SPAG16: variants seen among roughly 807,000 people sequenced by gnomAD.
SPAG16 encodes the protein sperm associated antigen 16.
In SPAG16, 86 loss-of-function variants were observed where a neutral mutation model predicts 80.4. The ratio of observed to expected loss-of-function variants is 1.07; its 90% CI spans 0.90 to 1.28. The LOEUF (loss-of-function observed/expected upper bound fraction) is 1.28. Ranked by LOEUF, SPAG16 falls within the 50% of genes most tolerant of loss-of-function variation. SPAG16 has a pLI of 0.00. For synonymous variants in SPAG16, 294 were observed against 265.9 expected (o/e 1.11, Z -1.03); for missense variants, 870 against 765.3 (o/e 1.14, Z -1.61).
intron 10 of SPAG16, among the ~76,000 whole-genome samples, chr2:213,579,884 TA>T (rs943018489): frequency 6.6e-6 from 1 of 152,096 alleles, no homozygotes; most frequent in Non-Finnish European, 1.5e-5. Context: ...CATATCAAAA[TA>T]AAAAGCACAG....
intron 13 of SPAG16, among the ~76,000 whole-genome samples, chr2:214,071,196 G>C (rs1228515467): frequency 6.6e-6 from 1 of 152,070 alleles, no homozygotes; most frequent in East Asian, 1.9e-4. Context: ...GAGTATCTCA[G>C]GAATATAGTT....
chr2:213,394,217 C>A (rs917074664), intron 9 of SPAG16, among the ~76,000 whole-genome samples: 7 of 151,940 alleles, frequency 4.6e-5, no homozygotes, highest in Non-Finnish European at 8.8e-5. Context: ...CCTTTACCAA[C>A]CAATTCAGAC....
rs35564156 is a variant in SPAG16 at position 214,037,864 on chromosome 2, GGTGTGTGTGTGTGTGTGT to G, written c.1527+23820_1527+23837del. ...GCTCTGTTATTATTCCCAGAAGCCT[GGTGTGTGTGTGTGTGTGT>G]GTGTGTGTGTGTGTGTGTGTGTGTG... On this transcript the variant is annotated intron_variant, in intron 13 of 15. Transcript: ENST00000331683. 5.0e-3 allele frequency among the ~76,000 whole-genome samples: 674 copies of G among 133,702 alleles called. 11 individuals carry two copies. The highest frequency in any genetic ancestry group is 0.019 in the African/African-American group (643 of 33,906). The allele number at this position is 133,702 out of a possible 152,430, so 87.7% of individuals were successfully genotyped here.
intron 15 of SPAG16, among the ~76,000 whole-genome samples, chr2:214,292,043 G>GT (rs755224047): frequency 4.0e-4 from 61 of 151,378 alleles, no homozygotes; most frequent in East Asian, 3.5e-3. Flanking sequence ...TGGGAAGTTT[G>GT]TTTTTTTTTA....
At chr2:214,366,529 A>G (rs1376085494) in intron 15 of SPAG16, among the ~76,000 whole-genome samples, 1 of 152,204 alleles carries the variant, frequency 6.6e-6, no homozygotes, top group Non-Finnish European at 1.5e-5. Context: ...TCATTTATGG[A>G]TTATATCCAT....
intron 14 of SPAG16, among the ~76,000 whole-genome samples, chr2:214,133,854 G>C (rs929994681): frequency 1.3e-5 from 2 of 152,066 alleles, no homozygotes; most frequent in Non-Finnish European, 2.9e-5. Flanking sequence ...TGATTGCCTG[G>C]AGTTTGGATC....
At chr2:214,015,936 A>G (rs984074909) in intron 13 of SPAG16, among the ~76,000 whole-genome samples, 1 of 152,200 alleles carries the variant, frequency 6.6e-6, no homozygotes, top group African/African-American at 2.4e-5. Flanking sequence ...AGCGTAGATG[A>G]AAAGGAGAGA....
intron 13 of SPAG16, among the ~76,000 whole-genome samples, chr2:214,047,798 G>A (rs193195136): frequency 1.5e-4 from 23 of 152,152 alleles, no homozygotes; most frequent in Non-Finnish European, 2.9e-4. Context: ...CATCTGATAA[G>A]GTATTAGTAA....
intron 3 of SPAG16, among the ~76,000 whole-genome samples, 160 bp downstream of exon 3, chr2:213,297,517 C>T (rs1324058735): frequency 2.0e-5 from 3 of 152,152 alleles, no homozygotes; most frequent in Non-Finnish European, 4.4e-5. Flanking sequence ...TTAAGGTAAG[C>T]AGTCATATTT....
intron 10 of SPAG16, among the ~76,000 whole-genome samples, chr2:213,747,561 C>A (rs1440174314): frequency 6.6e-6 from 1 of 152,130 alleles, no homozygotes; most frequent in Non-Finnish European, 1.5e-5. Context: ...ATTTTTTGCA[C>A]AAATTTTCTG....
intron 15 of SPAG16, among the ~76,000 whole-genome samples, chr2:214,279,697 G>C (rs1692760156): frequency 6.6e-6 from 1 of 152,136 alleles, no homozygotes; most frequent in Non-Finnish European, 1.5e-5. Flanking sequence ...GACATTTGTA[G>C]TACCATCCAT....
Position 214,150,259 on chromosome 2 carries a change from T to G in SPAG16, c.1720+993T>G, listed in dbSNP as rs2055911863. On this transcript the variant is annotated intron_variant, in intron 15 of 15. Coordinates refer to ENST00000331683, the MANE Select transcript of SPAG16 (RefSeq NM_024532.5). ...TTTCTTGGGACTGGTTTCATAATATTGCCATCACATATCTGAAATTTAGAA... is the reference window on the plus strand; with the variant it reads ...TTTCTTGGGACTGGTTTCATAATATGGCCATCACATATCTGAAATTTAGAA... Among the ~76,000 whole-genome samples the G allele has an allele frequency of 2.0e-5, 3 of 152,114 alleles. No individual in the cohort carries two copies. The South Asian group carries it at 6.2e-4, about 31-fold the overall frequency.
chr2:214,283,311 T>C (rs1000808468), intron 15 of SPAG16, among the ~76,000 whole-genome samples: 2 of 152,108 alleles, frequency 1.3e-5, no homozygotes, highest in African/African-American at 4.8e-5. Flanking sequence ...ATTTATAGTT[T>C]AGTCATGACA....
chr2:213,641,116 C>T (rs996728968), intron 10 of SPAG16, among the ~76,000 whole-genome samples: 15 of 152,104 alleles, frequency 9.9e-5, no homozygotes, highest in African/African-American at 3.6e-4. Flanking sequence ...CTTGCTGCAA[C>T]CACTGTGGGG....
chr2:213,998,540 T>C (rs897751384), intron 12 of SPAG16, among the ~76,000 whole-genome samples: 5 of 152,198 alleles, frequency 3.3e-5, no homozygotes, highest in African/African-American at 1.2e-4. Context: ...CTTGGGTATG[T>C]CTTTATCAGC....
At chr2:214,291,077 C>T in intron 15 of SPAG16, among the ~76,000 whole-genome samples, 2 of 152,016 alleles carry the variant, frequency 1.3e-5, no homozygotes, top group East Asian at 3.9e-4. Context: ...TTGTTATTTC[C>T]TATTGCTTAA....
intron 10 of SPAG16, among the ~76,000 whole-genome samples, chr2:213,524,495 C>T (rs1444265824): frequency 6.6e-6 from 1 of 152,158 alleles, no homozygotes; most frequent in Non-Finnish European, 1.5e-5. Flanking sequence ...CTGGAAAAGC[C>T]ACAGACAATG....
At chr2:213,594,525 TC>T (rs1416985067) in intron 10 of SPAG16, among the ~76,000 whole-genome samples, 1 of 152,204 alleles carries the variant, frequency 6.6e-6, no homozygotes, top group African/African-American at 2.4e-5. Flanking sequence ...GTGTGCTCAC[TC>T]TTTTTTCTCT....
intron 11 of SPAG16, among the ~76,000 whole-genome samples, chr2:213,899,212 T>A (rs1427594242): frequency 6.6e-6 from 1 of 152,024 alleles, no homozygotes; most frequent in Non-Finnish European, 1.5e-5. Context: ...AGAATAATAT[T>A]TGGGTGATAA....
Sources: gnomAD v4.1 joint callset for allele counts (sites outside exome capture counted in the v4.1 genomes callset) on GRCh38, gnomAD v4.1.1 for gene constraint, MANE v1.5 for transcripts, NCBI Gene and HGNC (gene_info 2026-07-23, HGNC 2026-07-21) for gene names.